ADCY9: variants seen among roughly 807,000 people sequenced by gnomAD.
ADCY9 encodes adenylate cyclase type 9.
In ADCY9, 50 loss-of-function variants were observed where a neutral mutation model predicts 101.5. That is an observed-to-expected ratio of 0.49 (90% CI 0.39 to 0.62). ADCY9 has a LOEUF of 0.62. ADCY9 is among the 20% of genes least tolerant of loss of function. ADCY9 has a pLI of 0.00. For missense variants in ADCY9, 1,662 were observed against 1,800.4 expected, an observed-to-expected ratio of 0.92 and a Z score of 1.39; for synonymous variants, 905 against 769.3, an observed-to-expected ratio of 1.18 and a Z score of -2.92.
intron 2 of ADCY9, among the ~76,000 whole-genome samples, chr16:4,081,882 G>A (rs2238455): frequency 0.29 from 42,537 of 146,946 alleles, 7,370 homozygotes; most frequent in South Asian, 0.41. Flanking sequence ...GGGGGCGGCG[G>A]GGGAGTCTTG....
At chr16:4,097,218 T>C (rs960759803) in intron 2 of ADCY9, among the ~76,000 whole-genome samples, 3 of 151,900 alleles carry the variant, frequency 2.0e-5, no homozygotes, top group Admixed American at 6.6e-5. Flanking sequence ...AGTCCCAAGC[T>C]GTCCACACTC....
At chr16:3,994,632 G>C (rs2056273092) in intron 3 of ADCY9, among the ~76,000 whole-genome samples, 1 of 152,018 alleles carries the variant, frequency 6.6e-6, no homozygotes, top group African/African-American at 2.4e-5. Context: ...CTTGTTTTGT[G>C]TTTTTAGTAG....
intron 2 of ADCY9, among the ~76,000 whole-genome samples, chr16:4,113,532 T>C (rs1597235872): frequency 1.3e-5 from 2 of 152,318 alleles, no homozygotes; most frequent in East Asian, 3.9e-4. Flanking sequence ...AGGTCGCGTC[T>C]AGGTCATCTC....
At chr16:4,085,385 C>T (rs1261117269) in intron 2 of ADCY9, among the ~76,000 whole-genome samples, 1 of 152,036 alleles carries the variant, frequency 6.6e-6, no homozygotes, top group East Asian at 1.9e-4. Flanking sequence ...AGAGAGAAGG[C>T]ACCAGGTTCC....
rs2055955268 is a variant in ADCY9, at chr16:3,963,266, C to A, written c.*2509G>T. The A allele has an allele frequency of 5.0e-6, 2 of 398,082 alleles. No homozygotes were observed. Among genetic ancestry groups the A allele is most frequent in the African/African-American group, 4.1e-5 (2 of 48,494 alleles). The allele number at this position is 398,082 out of a possible 1,614,324, so 24.7% of individuals were successfully genotyped here. A position where few individuals can be genotyped will look rare whatever the true frequency, so the allele number is the denominator to read the frequency against. ...TGCCCTAAGTTCCTAAGAGGTATTG[C>A]CACCCTGAAGCACGACCCATGCCGT... On this transcript the variant is annotated 3_prime_UTR_variant, in exon 11 of 11. Coordinates refer to ENST00000294016, the MANE Select transcript of ADCY9 (RefSeq NM_001116.4).
rs548468725 is a variant in ADCY9, at chr16:3,966,529, C to T, written c.3308G>A (p.Ser1103Asn). Reference protein sequence around the residue: ...DELLSKPDYSSIEKIKTIGAT... With the variant: ...DELLSKPDYSNIEKIKTIGAT... ...TCCGATGGTCTTGATCTTCTCGATG[C>T]TGCTGTAGTCCGGCTTGCTTAGGAG... is the stretch of plus-strand genomic sequence containing the variant. Residue 1103 changes from serine (S) to asparagine (N), a missense_variant, in exon 11 of 11, where the codon AGC (serine) becomes AAC (asparagine). Physicochemically the swap from Ser to Asn is conservative, Grantham distance 46. This residue lies in a region of ADCY9 where 220 missense variants were observed against 312.9 expected (regional missense o/e 0.70). Coordinates refer to ENST00000294016, the MANE Select transcript of ADCY9 (RefSeq NM_001116.4). 3.7e-6 allele frequency: 6 copies of T among 1,614,194 alleles called. No individual in the cohort carries two copies. The Admixed American group carries it at 1.0e-4, about 27-fold the overall frequency.
At chr16:4,021,470 C>G (rs183626817) in intron 2 of ADCY9, among the ~76,000 whole-genome samples, 3 of 152,314 alleles carry the variant, frequency 2.0e-5, no homozygotes, top group Non-Finnish European at 2.9e-5. Context: ...CGGGAGGCCC[C>G]CTACCCACCT....
chr16:3,992,125 C>T lies in ADCY9; in HGVS notation c.2207+21G>A, dbSNP rs1206625135. On this transcript the variant is annotated intron_variant, in intron 5 of 10. Transcript: ENST00000294016. The surrounding 1 kb of genome is among the most constrained non-coding windows in gnomAD (Gnocchi z 4.2). ...CTTCTGCCTGCAACCTTTGCTTTTTCCCAGACAGCCCCAGTCGTACCTGTC... is the reference window on the plus strand; with the variant it reads ...CTTCTGCCTGCAACCTTTGCTTTTTTCCAGACAGCCCCAGTCGTACCTGTC... The T allele has an allele frequency of 1.2e-6, 2 of 1,610,048 alleles. No homozygotes were observed. The highest frequency in any genetic ancestry group is 2.2e-5 in the South Asian group (2 of 90,792).
At chr16:4,043,999 T>A (rs1166028243) in intron 2 of ADCY9, among the ~76,000 whole-genome samples, 1 of 152,170 alleles carries the variant, frequency 6.6e-6, no homozygotes, top group Non-Finnish European at 1.5e-5. Context: ...AGTTTCTTCC[T>A]TTTTAAAAAA....
intron 2 of ADCY9, among the ~76,000 whole-genome samples, chr16:4,018,905 T>C (rs188247615): frequency 8.0e-4 from 121 of 150,426 alleles, no homozygotes; most frequent in Middle Eastern, 6.9e-3. Context: ...CTATGGACTA[T>C]GTATTTCGGA....
intron 7 of ADCY9, among the ~76,000 whole-genome samples, chr16:3,979,585 T>A (rs2056123477): frequency 6.6e-6 from 1 of 151,866 alleles, no homozygotes. Flanking sequence ...CTGAGGAGAG[T>A]CTCCTGGGGG....
chr16:4,077,072 C>G (rs370408427), intron 2 of ADCY9, among the ~76,000 whole-genome samples: 137 of 71,772 alleles, frequency 1.9e-3, no homozygotes, highest in African/African-American at 6.6e-3. Context: ...GTTGAGACTT[C>G]GTCTCAAAAA....
rs558676686 is a variant in ADCY9 at position 4,006,103 on chromosome 16, T to C, written c.1884+1265A>G. 2.2e-4 allele frequency among the ~76,000 whole-genome samples: 34 copies of C among 152,266 alleles called. No homozygotes were observed. In the East Asian group the frequency reaches 6.2e-3, roughly 28 times the overall value. On this transcript the variant is annotated intron_variant, in intron 3 of 10. Coordinates refer to ENST00000294016, the MANE Select transcript of ADCY9 (RefSeq NM_001116.4). ...TCCAACACCACTGTCCCGGTGGTTT[T>C]CACCCAGGGGTGACTCTGCACCCCC... is the stretch of plus-strand genomic sequence containing the variant.
chr16:4,078,643 A>G (rs2056883498), intron 2 of ADCY9, among the ~76,000 whole-genome samples: 1 of 152,124 alleles, frequency 6.6e-6, no homozygotes, highest in Non-Finnish European at 1.5e-5. Flanking sequence ...CAGGTGGGGA[A>G]GGCTTTTCTA....
intron 2 of ADCY9, among the ~76,000 whole-genome samples, chr16:4,065,372 T>G (rs1364024941): frequency 1.3e-5 from 2 of 152,252 alleles, no homozygotes; most frequent in African/African-American, 4.8e-5. Flanking sequence ...TTTCAAATAC[T>G]TGATGCTTTC....
chr16:4,072,994 G>GA (rs59730727), intron 2 of ADCY9, among the ~76,000 whole-genome samples: 24,287 of 129,054 alleles, frequency 0.19, 2,642 homozygotes, highest in African/African-American at 0.33. Context: ...TATCCTAAAA[G>GA]AAAAAAAAAA....
rs1370070816 is a variant in ADCY9, at chr16:4,074,945, G to A, written c.1693+38805C>T. On this transcript the variant is annotated intron_variant, in intron 2 of 10. Transcript: ENST00000294016. Reference sequence around the variant, plus strand: ...ATCCCAATACTTTTGAGAGGCTGAGGCAGGAGGATCGCTTGAGCCCAGGAG... The same window carrying A: ...ATCCCAATACTTTTGAGAGGCTGAGACAGGAGGATCGCTTGAGCCCAGGAG... 2.0e-5 allele frequency among the ~76,000 whole-genome samples: 3 copies of A among 152,108 alleles called. No homozygotes were observed. The East Asian group carries it at 5.8e-4, about 29-fold the overall frequency.
chr16:4,077,602 T>G (rs1414541009), intron 2 of ADCY9, among the ~76,000 whole-genome samples: 2 of 152,172 alleles, frequency 1.3e-5, no homozygotes, highest in Non-Finnish European at 2.9e-5. Flanking sequence ...GGCCTTTACC[T>G]TTCAGTCCAA....
At chr16:4,097,485 T>TAC (rs1435990370) in intron 2 of ADCY9, among the ~76,000 whole-genome samples, 9 of 73,018 alleles carry the variant, frequency 1.2e-4, no homozygotes, top group Non-Finnish European at 1.9e-4. Flanking sequence ...TATATATATA[T>TAC]ATACACACAC....
Sources: allele counts gnomAD v4.1 joint callset (sites outside exome capture counted in the v4.1 genomes callset), GRCh38; gene constraint gnomAD v4.1.1; regional missense constraint gnomAD v4.1.1; non-coding constraint Gnocchi (gnomAD v3.1); transcripts MANE v1.5; gene names NCBI Gene and HGNC (gene_info 2026-07-23, HGNC 2026-07-21).